The following USP34 variants were observed in gnomAD, a reference collection of about 807,000 sequenced individuals.
USP34 encodes ubiquitin specific peptidase 34, also known as ubiquitin carboxyl-terminal hydrolase 34.
In USP34, 70 loss-of-function variants were observed where a neutral mutation model predicts 460.3. That is an observed-to-expected ratio of 0.15 (90% confidence interval 0.13 to 0.19). USP34 has a LOEUF of 0.19. Among genes scored for constraint, USP34 ranks in the 10% least tolerant of loss-of-function variants. The pLI is 1.00. For synonymous variants in USP34, 1,647 were observed against 1,405.3 expected, an observed-to-expected ratio of 1.17 and a Z score of -3.85; for missense variants, 3,985 against 4,236.2, an observed-to-expected ratio of 0.94 and a Z score of 1.65.
intron 5 of USP34, among the ~76,000 whole-genome samples, chr2:61,393,763 C>T (rs907189854): frequency 6.6e-6 from 1 of 152,110 alleles, no homozygotes; most frequent in Admixed American, 6.5e-5. Flanking sequence ...GTACACTGAA[C>T]TTTTGCTTTA....
At chr2:61,388,893 A>C (rs1358231370) in intron 5 of USP34, among the ~76,000 whole-genome samples, 1 of 152,136 alleles carries the variant, frequency 6.6e-6, no homozygotes, top group Non-Finnish European at 1.5e-5. Flanking sequence ...GAATGCTGAC[A>C]CCCATATGAA....
At chr2:61,238,068 G>A (rs1026068810) in intron 53 of USP34, among the ~76,000 whole-genome samples, 5 of 151,596 alleles carry the variant, frequency 3.3e-5, no homozygotes, top group African/African-American at 9.7e-5. Context: ...GTTAATTTTT[G>A]TATTTTTAGT....
chr2:61,324,412 GATA>G (rs1339237317), intron 21 of USP34, among the ~76,000 whole-genome samples: 2 of 152,072 alleles, frequency 1.3e-5, no homozygotes, highest in African/African-American at 2.4e-5. Flanking sequence ...GATTAGCCCT[GATA>G]ATAATACATA....
intron 51 of USP34, among the ~76,000 whole-genome samples, chr2:61,243,789 T>G (rs1688344137): frequency 6.6e-6 from 1 of 151,328 alleles, no homozygotes; most frequent in Admixed American, 6.6e-5. Context: ...GAGAATCACT[T>G]GAACCAGAAG....
intron 16 of USP34, among the ~76,000 whole-genome samples, chr2:61,340,483 T>C (rs754764002): frequency 7.9e-5 from 12 of 152,296 alleles, no homozygotes; most frequent in Non-Finnish European, 1.5e-4. Context: ...GCTGAAAAGA[T>C]TTCCAAAGAG....
At chr2:61,378,308 A>T in intron 8 of USP34, 55 bp downstream of exon 8, 2 of 1,290,342 alleles carry the variant, frequency 1.5e-6, no homozygotes, top group Non-Finnish European at 2.2e-6. Context: ...TTTACCATAT[A>T]AACAACTGTA....
rs781155064 is a variant in USP34 at position 61,227,153 on chromosome 2, A to G, written c.7509T>C (p.Ser2503=). Residue 2503 remains serine (S), a synonymous_variant, in exon 62 of 80, where the codon TCT becomes TCC. Transcript: ENST00000398571. ...EEEEEEEDIL[S]LAEEKYRPAA... Reference sequence around the variant, plus strand: ...CTGGCCTGTATTTTTCTTCTGCCAGAGAGAGGATATCTTCTTCCTCCTCTT... The same window carrying G: ...CTGGCCTGTATTTTTCTTCTGCCAGGGAGAGGATATCTTCTTCCTCCTCTT... 1 of 1,614,030 alleles carries G rather than the reference A, an allele frequency of 6.2e-7. No homozygotes were observed. Among genetic ancestry groups the G allele is most frequent in the East Asian group, 2.2e-5 (1 of 44,856 alleles).
At position 61,240,771 on chromosome 2, in the gene USP34, G is replaced by C. The variant is rs535101331; in HGVS notation, c.6777+789C>G. ...GTATTTTTAGTACAGCTGCAGTTTTGCCATGTTGGCCAGGTTGGTCTCAAA... is the reference window on the plus strand; with the variant it reads ...GTATTTTTAGTACAGCTGCAGTTTTCCCATGTTGGCCAGGTTGGTCTCAAA... On this transcript the variant is annotated intron_variant, in intron 53 of 79. Transcript: ENST00000398571. 4.0e-5 allele frequency among the ~76,000 whole-genome samples: 6 copies of C among 151,396 alleles called. No individual in the cohort carries two copies. In the East Asian group the frequency reaches 1.2e-3, roughly 30 times the overall value.
chr2:61,296,965 G>A (rs1690047836), intron 29 of USP34, 40 bp from the exon 30 acceptor site: 3 of 1,552,734 alleles, frequency 1.9e-6, no homozygotes, highest in African/African-American at 1.4e-5. Flanking sequence ...AAACAGATCA[G>A]AAAAGAAAAA....
At chr2:61,213,976 T>C in intron 68 of USP34, 84 bp downstream of exon 68, 1 of 1,512,368 alleles carries the variant, frequency 6.6e-7, no homozygotes, top group Non-Finnish European at 9.0e-7. Context: ...TATTCTATAT[T>C]CTGCCACCAC....
At chr2:61,458,019 C>T (rs1351302460) in intron 1 of USP34, among the ~76,000 whole-genome samples, 1 of 152,194 alleles carries the variant, frequency 6.6e-6, no homozygotes, top group East Asian at 1.9e-4. Flanking sequence ...AGTGATCTTA[C>T]GATTTTTCAG....
rs1224374073 is a variant in USP34 at position 61,214,065 on chromosome 2, G to T, written c.8677C>A (p.Pro2893Thr). The T allele has an allele frequency of 6.8e-6, 11 of 1,614,166 alleles. No homozygotes were observed. Among genetic ancestry groups the T allele is most frequent in the Non-Finnish European group, 9.3e-6 (11 of 1,180,020 alleles). Residue 2893 changes from proline to threonine, a missense_variant, in exon 68 of 80, where the codon CCT (proline) becomes ACT (threonine). Pro to Thr is a conservative substitution (Grantham distance 38). Around this residue, in one of 14 missense-constraint regions of USP34, gnomAD observed 275 missense variants for 292.7 expected, o/e 0.94. Coordinates refer to ENST00000398571, the MANE Select transcript of USP34 (RefSeq NM_014709.4). Reference protein sequence around the residue: ...KNLTPHASQYPGAVEELFNLM... With the variant: ...KNLTPHASQYTGAVEELFNLM... ...AGAGTATCAATTTTACTCACTCCAG[G>T]GTATTGGCTGGCATGTGGTGTAAGA...
At chr2:61,362,863 C>A (rs1267910725) in intron 10 of USP34, among the ~76,000 whole-genome samples, 1 of 152,152 alleles carries the variant, frequency 6.6e-6, no homozygotes, top group Admixed American at 6.5e-5. Context: ...ACCTTAAATA[C>A]ATAATTTTTA....
chr2:61,361,908 G>GT (rs1248316658), intron 10 of USP34, among the ~76,000 whole-genome samples: 1 of 151,998 alleles, frequency 6.6e-6, no homozygotes, highest in African/African-American at 2.4e-5. Context: ...TACAAACCAT[G>GT]TATTGATTAG....
intron 1 of USP34, among the ~76,000 whole-genome samples, chr2:61,423,767 G>C (rs1386459180): frequency 6.6e-6 from 1 of 152,078 alleles, no homozygotes; most frequent in African/African-American, 2.4e-5. Flanking sequence ...AACACAGCAA[G>C]GTACCATCTC....
Position 61,394,956 on chromosome 2 carries a change from C to A in USP34, c.650G>T (p.Cys217Phe). ...CATGAGAGAAAGGCCATTTTTCCCA[C>A]AAAACAAACATACATAACGAAGCAA... Reference protein sequence around the residue: ...LHLLRYVCLFCGKNGLSLMKD... With the variant: ...LHLLRYVCLFFGKNGLSLMKD... The change falls in exon 5 of 80, where the codon TGT becomes TTT. Residue 217 changes from cysteine to phenylalanine, a missense_variant. By Grantham distance (205) the Cys-to-Phe change is radical (BLOSUM62 -2). Coordinates refer to ENST00000398571, the MANE Select transcript of USP34 (RefSeq NM_014709.4). 1 of 1,606,750 alleles carries A rather than the reference C, an allele frequency of 6.2e-7. No individual in the cohort carries two copies. Among genetic ancestry groups the A allele is most frequent in the African/African-American group, 1.3e-5 (1 of 74,716 alleles).
intron 42 of USP34, 71 bp from the exon 43 acceptor site, chr2:61,265,628 T>A (rs1689024034): frequency 1.4e-6 from 2 of 1,462,218 alleles, no homozygotes. Context: ...TTGCTTACAT[T>A]AACAGCCTCT....
At chr2:61,242,454 T>TACACACACAC (rs1359212147) in intron 51 of USP34, among the ~76,000 whole-genome samples, 7 of 67,512 alleles carry the variant, frequency 1.0e-4, no homozygotes, top group African/African-American at 4.4e-4. Context: ...CCAAAGATAA[T>TACACACACAC]ACATACACAC....
chr2:61,267,372 G>T (rs532035201), intron 41 of USP34, among the ~76,000 whole-genome samples: 27 of 151,634 alleles, frequency 1.8e-4, no homozygotes, highest in Non-Finnish European at 3.5e-4. Context: ...TATTGTTAAA[G>T]AATGTGTAAT....
Sources: gnomAD v4.1 joint callset for allele counts (sites outside exome capture counted in the v4.1 genomes callset) on GRCh38, gnomAD v4.1.1 for gene constraint, gnomAD v4.1.1 regional missense constraint, MANE v1.5 for transcripts, NCBI Gene and HGNC (gene_info 2026-07-23, HGNC 2026-07-21) for gene names.